The following CD274 variants were observed in gnomAD, a reference collection of about 807,000 sequenced individuals.
CD274 encodes programmed cell death 1 ligand 1.
Under a neutral mutation model 30.1 loss-of-function variants are expected in CD274, and 8 were observed. The ratio of observed to expected loss-of-function variants is 0.27; its 90% CI spans 0.16 to 0.48. The LOEUF (loss-of-function observed/expected upper bound fraction) is 0.48, where lower values mean the gene tolerates loss of function less well. CD274 is among the 20% of genes least tolerant of loss of function. CD274 has a pLI of 0.99. For missense variants in CD274, 353 were observed against 346.6 expected, an observed-to-expected ratio of 1.02 and a Z score of -0.15; for synonymous variants, 152 against 124.6, an observed-to-expected ratio of 1.22 and a Z score of -1.46.
At chr9:5,453,412 G>A (rs1329946) in intron 1 of CD274, among the ~76,000 whole-genome samples, 30,456 of 152,180 alleles carry the variant, frequency 0.2, 3,474 homozygotes, top group East Asian at 0.32. Context: ...CCAGAAAAAT[G>A]TTCTTTTTCT....
chr9:5,453,890 AG>A (rs1472839580), intron 1 of CD274, among the ~76,000 whole-genome samples: 2 of 152,226 alleles, frequency 1.3e-5, no homozygotes, highest in African/African-American at 2.4e-5. Context: ...TAGCAATAGC[AG>A]TCCTCCCTCA....
chr9:5,458,133 T>C (rs959752162), intron 3 of CD274, among the ~76,000 whole-genome samples: 1 of 152,244 alleles, frequency 6.6e-6, no homozygotes, highest in African/African-American at 2.4e-5. Flanking sequence ...TTCCTCGGTA[T>C]TGACCCACAG....
chr9:5,465,086 C>CAA (rs1263982025), intron 4 of CD274, among the ~76,000 whole-genome samples: 1,020 of 84,242 alleles, frequency 0.012, 22 homozygotes, highest in African/African-American at 0.044. Flanking sequence ...GACTCTGCCT[C>CAA]AAAAAAAAAA....
chr9:5,450,729 G>C (rs1224503135), intron 1 of CD274, 133 bp downstream of exon 1: 2 of 152,344 alleles, frequency 1.3e-5, no homozygotes, highest in African/African-American at 2.4e-5. Context: ...GAACGCGATG[G>C]TCTAGGGGGC....
chr9:5,465,103 A>T (rs1819474592), intron 4 of CD274, among the ~76,000 whole-genome samples: 4 of 151,600 alleles, frequency 2.6e-5, no homozygotes, highest in Non-Finnish European at 5.9e-5. Context: ...AAAAAAAAAA[A>T]GCAAGAGGAA....
rs945236550 is a variant in CD274, at chr9:5,455,560, G to A, written c.-14-540G>A. On this transcript the variant is annotated intron_variant, in intron 1 of 6. Transcript: ENST00000381577. The stretch of plus-strand genomic sequence containing the variant: ...GATTTATAATTTAGAATAAGTGAGA[G>A]GGGCAGAAGAGGAGATTTTGAAGGA... 3.3e-5 allele frequency among the ~76,000 whole-genome samples: 5 copies of A among 152,182 alleles called. No homozygotes were observed. In the East Asian group the frequency reaches 9.6e-4, roughly 29 times the overall value.
Position 5,465,490 on chromosome 9 carries a change from G to A in CD274, c.683-9G>A. ...AGTCAGTTTGTTTTCGTTTTGTTTT[G>A]TTTTTCAGAACTACCTCTGGCACAT... is the stretch of plus-strand genomic sequence containing the variant. On this transcript the variant is annotated splice_polypyrimidine_tract_variant and intron_variant, in intron 4 of 6. Coordinates refer to ENST00000381577, the MANE Select transcript of CD274 (RefSeq NM_014143.4). 3 of 1,566,326 alleles carry A rather than the reference G, an allele frequency of 1.9e-6. No individual in the cohort carries two copies. The highest frequency in any genetic ancestry group is 2.6e-6 in the Non-Finnish European group (3 of 1,137,440).
At chr9:5,456,870 A>G (rs1563802672) in intron 2 of CD274, among the ~76,000 whole-genome samples, 1 of 152,208 alleles carries the variant, frequency 6.6e-6, no homozygotes, top group Non-Finnish European at 1.5e-5. Flanking sequence ...TAATTTTATT[A>G]TTCTGCTATT....
intron 3 of CD274, among the ~76,000 whole-genome samples, chr9:5,460,191 G>A (rs960319487): frequency 1.3e-5 from 2 of 152,100 alleles, no homozygotes; most frequent in Non-Finnish European, 2.9e-5. Flanking sequence ...TTGGAAACAT[G>A]AACAGATTTG....
intron 6 of CD274, among the ~76,000 whole-genome samples, chr9:5,467,521 A>G (rs1819517215): frequency 6.6e-6 from 1 of 152,194 alleles, no homozygotes. Flanking sequence ...GCCCAAGTTT[A>G]AAGCAGTCTA....
chr9:5,462,493 A>G (rs962728153), intron 3 of CD274, among the ~76,000 whole-genome samples: 7 of 152,226 alleles, frequency 4.6e-5, no homozygotes, highest in African/African-American at 1.7e-4. Flanking sequence ...GTAGAAATTT[A>G]AGGGGTACAA....
At position 5,457,215 on chromosome 9, in the gene CD274, C is replaced by T. The variant is rs1586763586; in HGVS notation, c.189C>T (p.Asn63=). The T allele has an allele frequency of 1.2e-6, 2 of 1,614,060 alleles. No individual in the cohort carries two copies. Among genetic ancestry groups the T allele is most frequent in the Non-Finnish European group, 1.7e-6 (2 of 1,179,944 alleles). Residue 63 remains asparagine (N), a synonymous_variant, in exon 3 of 7, where the codon AAC becomes AAT. Transcript: ENST00000381577. ...LIVYWEMEDK[N]IIQFVHGEED... ...TCTATTGGGAAATGGAGGATAAGAA[C>T]ATTATTCAATTTGTGCATGGAGAGG...
At chr9:5,453,299 C>A (rs1009019631) in intron 1 of CD274, among the ~76,000 whole-genome samples, 1 of 151,982 alleles carries the variant, frequency 6.6e-6, no homozygotes, top group South Asian at 2.1e-4. Context: ...CATAAACAGA[C>A]CAAAAAATGA....
In CD274 at chr9:5,468,245, A is replaced by G. The variant is rs890304330; in HGVS notation, c.*383A>G. Reference sequence around the variant, plus strand: ...CAGAAGTGCCCTTTGCCTCCACTCAATGCCTCAATTTGTTTTCTGCATGAC... The same window carrying G: ...CAGAAGTGCCCTTTGCCTCCACTCAGTGCCTCAATTTGTTTTCTGCATGAC... On this transcript the variant is annotated 3_prime_UTR_variant, in exon 7 of 7. Coordinates refer to ENST00000381577, the MANE Select transcript of CD274 (RefSeq NM_014143.4). 4 of 291,688 alleles carry G rather than the reference A, an allele frequency of 1.4e-5. No individual in the cohort carries two copies. Among genetic ancestry groups the G allele is most frequent in the South Asian group, 1.0e-4 (1 of 9,568 alleles). The allele number at this position is 291,688 out of a possible 1,614,324, so 18.1% of individuals were successfully genotyped here.
At chr9:5,462,773 A>G (rs2131222424) in intron 3 of CD274, 61 bp from the exon 4 acceptor site, 1 of 1,467,994 alleles carries the variant, frequency 6.8e-7, no homozygotes, top group Non-Finnish European at 9.4e-7. Context: ...GGACAGCATC[A>G]AGCTATGTAC....
rs181416067 is a variant in CD274, at chr9:5,469,846, A to G, written c.*1984A>G. On this transcript the variant is annotated 3_prime_UTR_variant, in exon 7 of 7. Coordinates refer to ENST00000381577, the MANE Select transcript of CD274 (RefSeq NM_014143.4). ...AAAGCAATCTTATTATTAACTCTGT[A>G]TGACAGAATCATGTCTGGAACTTTT... 42 of 233,104 alleles carry G rather than the reference A, an allele frequency of 1.8e-4. No homozygotes were observed. Among genetic ancestry groups the G allele is most frequent in the African/African-American group, 9.0e-4 (41 of 45,414 alleles). The allele number at this position is 233,104 out of a possible 1,614,324, so 14.4% of individuals were successfully genotyped here.
intron 5 of CD274, 82 bp downstream of exon 5, chr9:5,465,688 C>T (rs1451342623): frequency 1.2e-6 from 1 of 832,716 alleles, no homozygotes; most frequent in African/African-American, 1.7e-5. Flanking sequence ...GGAAACCCGA[C>T]TTAACCTCTG....
Position 5,457,299 on chromosome 9 carries a change from G to A in CD274, c.273G>A (p.Gln91=), listed in dbSNP as rs1819322750. The change falls in exon 3 of 7, where the codon CAG becomes CAA. Residue 91 remains glutamine (Q), a synonymous_variant. Coordinates refer to ENST00000381577, the MANE Select transcript of CD274 (RefSeq NM_014143.4). ...YRQRARLLKD[Q]LSLGNAALQI... The stretch of plus-strand genomic sequence containing the variant: ...AGAGGGCCCGGCTGTTGAAGGACCA[G>A]CTCTCCCTGGGAAATGCTGCACTTC... The A allele has an allele frequency of 1.2e-6, 2 of 1,614,056 alleles. No individual in the cohort carries two copies. Among genetic ancestry groups the A allele is most frequent in the Non-Finnish European group, 1.7e-6 (2 of 1,179,974 alleles).
rs943773099 is a variant in CD274, at chr9:5,469,033, C to A, written c.*1171C>A. ...CCAGTGTCATAGCATAAGGATGATG[C>A]GAGGGGAAAACCCGAGCAGTGTTGC... is the stretch of plus-strand genomic sequence containing the variant. On this transcript the variant is annotated 3_prime_UTR_variant, in exon 7 of 7. Transcript: ENST00000381577. The A allele has an allele frequency of 4.3e-6, 1 of 232,924 alleles. No homozygotes were observed. The highest frequency in any genetic ancestry group is 2.2e-5 in the African/African-American group (1 of 45,372). 14.4% of individuals were successfully genotyped at this position (232,924 alleles called of 1,614,324 possible).
Sources: gnomAD v4.1 joint callset for allele counts (sites outside exome capture counted in the v4.1 genomes callset) on GRCh38, gnomAD v4.1.1 for gene constraint, MANE v1.5 for transcripts, NCBI Gene and HGNC (gene_info 2026-07-23, HGNC 2026-07-21) for gene names.